CACNA1E: variants seen among roughly 807,000 people sequenced by gnomAD.
CACNA1E encodes voltage-dependent R-type calcium channel subunit alpha-1E.
A neutral mutation model predicts 259.2 loss-of-function variants in CACNA1E; 40 were observed. The ratio of observed to expected loss-of-function variants is 0.15; its 90% CI spans 0.12 to 0.20. The LOEUF is 0.20. Ranked by LOEUF, CACNA1E falls within the 10% of genes least tolerant of loss-of-function variation. The pLI is 1.00. For missense variants in CACNA1E, 1,874 were observed against 3,040.1 expected, an observed-to-expected ratio of 0.62 and a Z score of 9.02; for synonymous variants, 1,104 against 1,138.5, an observed-to-expected ratio of 0.97 and a Z score of 0.61.
chr1:181,571,431 G>C, intron 3 of CACNA1E, among the ~76,000 whole-genome samples: 1 of 152,230 alleles, frequency 6.6e-6, no homozygotes, highest in East Asian at 1.9e-4. Flanking sequence ...AGGTAGGAGA[G>C]AGGCTGGAGA....
intron 3 of CACNA1E, among the ~76,000 whole-genome samples, chr1:181,569,649 G>A (rs554834988): frequency 6.6e-6 from 1 of 152,132 alleles, no homozygotes; most frequent in African/African-American, 2.4e-5. Context: ...CTTTAATTTG[G>A]ATATCCAATT....
intron 6 of CACNA1E, among the ~76,000 whole-genome samples, chr1:181,601,523 T>A (rs1169720595): frequency 6.6e-6 from 1 of 152,226 alleles, no homozygotes; most frequent in Non-Finnish European, 1.5e-5. Flanking sequence ...CATTATTAGA[T>A]GTTCTAGCTA....
At chr1:181,390,821 CTA>C (rs1183054351) in intron 1 of CACNA1E, among the ~76,000 whole-genome samples, 2 of 152,090 alleles carry the variant, frequency 1.3e-5, no homozygotes, top group Admixed American at 1.3e-4. Flanking sequence ...GGACATGTAA[CTA>C]TGTAATTATA....
chr1:181,352,516 A>G (rs1488222221), intron 1 of CACNA1E, among the ~76,000 whole-genome samples: 1 of 152,220 alleles, frequency 6.6e-6, no homozygotes, highest in Non-Finnish European at 1.5e-5. Flanking sequence ...CTACCTAGAC[A>G]GTCTTTCTAG....
intron 17 of CACNA1E, 87 bp downstream of exon 17, chr1:181,724,624 T>C: frequency 8.9e-7 from 1 of 1,119,710 alleles, no homozygotes; most frequent in African/African-American, 1.5e-5. Flanking sequence ...AAGTCTACAT[T>C]GTCTGACTCA....
intron 2 of CACNA1E, among the ~76,000 whole-genome samples, chr1:181,473,624 G>A (rs748655452): frequency 1.3e-5 from 2 of 152,178 alleles, no homozygotes; most frequent in African/African-American, 2.4e-5. Flanking sequence ...AAGCCTCCTG[G>A]TGTTGTTTCC....
chr1:181,390,519 G>T (rs1656184588), intron 1 of CACNA1E, among the ~76,000 whole-genome samples: 3 of 152,112 alleles, frequency 2.0e-5, no homozygotes, highest in Admixed American at 6.6e-5. Flanking sequence ...GGGCATGGAG[G>T]TCAGTGACAG....
Position 181,776,316 on chromosome 1 carries a change from A to G in CACNA1E, c.5267+88A>G. 1 of 1,329,148 alleles carries G rather than the reference A, an allele frequency of 7.5e-7. No homozygotes were observed. Among genetic ancestry groups the G allele is most frequent in the South Asian group, 1.2e-5 (1 of 84,420 alleles). The allele number at this position is 1,329,148 out of a possible 1,614,324, so 82.3% of individuals were successfully genotyped here. A position where few individuals can be genotyped will look rare whatever the true frequency, so the allele number is the denominator to read the frequency against. ...AAGAGGCTGGAATTGGAGCCACCCA[A>G]ATGCCTGCCTGTTACAGAAGGAAAG... On this transcript the variant is annotated intron_variant, in intron 38 of 47. Coordinates refer to ENST00000367573, the MANE Select transcript of CACNA1E (RefSeq NM_001205293.3). This position sits in a 1 kb window ranked among gnomAD's most constrained non-coding sequence, Gnocchi z 4.4.
At chr1:181,778,290 T>A (rs957387893) in intron 38 of CACNA1E, among the ~76,000 whole-genome samples, 5 of 152,062 alleles carry the variant, frequency 3.3e-5, no homozygotes, top group Non-Finnish European at 5.9e-5. Flanking sequence ...TACTTCCCAA[T>A]CTCACTAAGG....
chr1:181,574,654 G>A (rs1035193350), intron 3 of CACNA1E, among the ~76,000 whole-genome samples: 3 of 152,186 alleles, frequency 2.0e-5, no homozygotes, highest in Non-Finnish European at 4.4e-5. Flanking sequence ...CTAGGATGTG[G>A]TTAGGGCAGT....
intron 3 of CACNA1E, among the ~76,000 whole-genome samples, chr1:181,547,113 TA>T (rs1647559968): frequency 6.6e-6 from 1 of 152,164 alleles, no homozygotes; most frequent in East Asian, 1.9e-4. Context: ...GGCACATGCC[TA>T]AATGGGAACC....
intron 7 of CACNA1E, among the ~76,000 whole-genome samples, chr1:181,653,230 C>T (rs1190899749): frequency 1.3e-5 from 2 of 152,110 alleles, no homozygotes; most frequent in Non-Finnish European, 2.9e-5. Context: ...GGCTGTGTCC[C>T]CACCCAAATC....
intron 1 of CACNA1E, among the ~76,000 whole-genome samples, chr1:181,359,938 A>T (rs1262623106): frequency 1.3e-5 from 2 of 152,174 alleles, no homozygotes; most frequent in South Asian, 4.1e-4. Flanking sequence ...TCACACTGGC[A>T]GTTGCTGAAA....
chr1:181,798,455 G>A lies in CACNA1E; in HGVS notation c.6563G>A (p.Gly2188Glu). Residue 2188 changes from glycine to glutamate, a missense_variant, in exon 48 of 48, where the codon GGA (glycine) becomes GAA (glutamate). By Grantham distance (98) the Gly-to-Glu change is moderately conservative. Around this residue, in one of 14 missense-constraint regions of CACNA1E, gnomAD observed 542 missense variants for 587.2 expected, o/e 0.92. Coordinates refer to ENST00000367573, the MANE Select transcript of CACNA1E (RefSeq NM_001205293.3). This position sits in a 1 kb window ranked among gnomAD's most constrained non-coding sequence, Gnocchi z 4.2. ...GGCAGCATCTCTCCACCTGCTGATG[G>A]AAGCGAGGAGGGCTCCCCGCTGACC... ...HAGSISPPADGSEEGSPLTSQ... is the reference protein window; with the variant it reads ...HAGSISPPADESEEGSPLTSQ... 2 of 1,613,848 alleles carry A rather than the reference G, an allele frequency of 1.2e-6. No individual in the cohort carries two copies. Among genetic ancestry groups the A allele is most frequent in the Non-Finnish European group, 1.7e-6 (2 of 1,179,898 alleles).
At chr1:181,704,742 G>A (rs1652625113) in intron 7 of CACNA1E, among the ~76,000 whole-genome samples, 1 of 152,102 alleles carries the variant, frequency 6.6e-6, no homozygotes, top group Non-Finnish European at 1.5e-5. Flanking sequence ...CTTCCTTTTG[G>A]TTGTCATGAC....
rs1332154082 is a variant in CACNA1E, at chr1:181,708,570, C to T, written c.1056-2384C>T. 3.3e-5 allele frequency among the ~76,000 whole-genome samples: 5 copies of T among 152,240 alleles called. No homozygotes were observed. In the East Asian group the frequency reaches 7.7e-4, roughly 24 times the overall value. On this transcript the variant is annotated intron_variant, in intron 7 of 47. Coordinates refer to ENST00000367573, the MANE Select transcript of CACNA1E (RefSeq NM_001205293.3). Reference sequence around the variant, plus strand: ...CTTCTTATTAAACCTCCCTGGATTCCCCCAGGGTTGAGAAATCAAGACACA... The same window carrying T: ...CTTCTTATTAAACCTCCCTGGATTCTCCCAGGGTTGAGAAATCAAGACACA...
intron 2 of CACNA1E, among the ~76,000 whole-genome samples, chr1:181,443,947 T>A (rs896300926): frequency 6.6e-6 from 1 of 152,250 alleles, no homozygotes; most frequent in African/African-American, 2.4e-5. Context: ...TTACTGAAGA[T>A]TTTCTGGGGC....
At chr1:181,462,625 C>A (rs1160456712) in intron 2 of CACNA1E, among the ~76,000 whole-genome samples, 1 of 152,266 alleles carries the variant, frequency 6.6e-6, no homozygotes, top group Non-Finnish European at 1.5e-5. Flanking sequence ...TTCTTTGTTC[C>A]TTGCTCCGGA....
chr1:181,571,408 G>A (rs1650396615), intron 3 of CACNA1E, among the ~76,000 whole-genome samples: 1 of 152,178 alleles, frequency 6.6e-6, no homozygotes, highest in Non-Finnish European at 1.5e-5. Context: ...AGAAGGCAAG[G>A]GAGAAGCATT....
Sources: gnomAD v4.1 joint callset for allele counts (sites outside exome capture counted in the v4.1 genomes callset) on GRCh38, gnomAD v4.1.1 for gene constraint, gnomAD v4.1.1 regional missense constraint, Gnocchi (gnomAD v3.1) non-coding constraint, MANE v1.5 for transcripts, NCBI Gene and HGNC (gene_info 2026-07-23, HGNC 2026-07-21) for gene names.